The following ASAP1 variants were observed in gnomAD, a reference collection of about 807,000 sequenced individuals.
ASAP1 encodes the protein arf-GAP with SH3 domain, ANK repeat and PH domain-containing protein 1.
Under a neutral mutation model 145.2 loss-of-function variants are expected in ASAP1, and 43 were observed. That is an observed-to-expected ratio of 0.30 (90% CI 0.23 to 0.38). The LOEUF (loss-of-function observed/expected upper bound fraction) is 0.38. ASAP1 is among the 10% of genes least tolerant of loss of function. ASAP1 has a pLI of 1.00. For missense variants in ASAP1, 1,018 were observed against 1,355.3 expected, an observed-to-expected ratio of 0.75 and a Z score of 3.91; for synonymous variants, 546 against 515.5, an observed-to-expected ratio of 1.06 and a Z score of -0.80.
At position 130,077,992 on chromosome 8, in the gene ASAP1, C is replaced by CT. The variant is rs555579534; in HGVS notation, c.2643-1587dup. Among the ~76,000 whole-genome samples the CT allele has an allele frequency of 5.4e-3, 759 of 139,462 alleles. 3 individuals carry two copies. Among genetic ancestry groups the CT allele is most frequent in the African/African-American group, 8.6e-3 (326 of 37,898 alleles). The allele number at this position is 139,462 out of a possible 152,430, so 91.5% of individuals were successfully genotyped here. A position where few individuals can be genotyped will look rare whatever the true frequency, so the allele number is the denominator to read the frequency against. ...CAATCAGCTTGATTTTGTTTAAAAACTTTTTTTTTTTTTTTTTGAGACGAA... is the reference window on the plus strand; with the variant it reads ...CAATCAGCTTGATTTTGTTTAAAAACTTTTTTTTTTTTTTTTTTGAGACGAA... On this transcript the variant is annotated intron_variant, in intron 26 of 29. Transcript: ENST00000518721.
At chr8:130,401,804 T>G (rs1001672628) in intron 2 of ASAP1, 81 bp downstream of exon 2, 4 of 1,328,318 alleles carry the variant, frequency 3.0e-6, no homozygotes, top group Non-Finnish European at 4.2e-6. Flanking sequence ...TGATAAAATT[T>G]TGCATTTCAA....
At chr8:130,099,459 C>T (rs1592796497) in intron 24 of ASAP1, among the ~76,000 whole-genome samples, 1 of 151,836 alleles carries the variant, frequency 6.6e-6, no homozygotes, top group African/African-American at 2.4e-5. Context: ...GGATTACAGG[C>T]ATGAGCCACT....
chr8:130,289,722 C>A (rs1466501557), intron 3 of ASAP1, among the ~76,000 whole-genome samples: 2 of 152,212 alleles, frequency 1.3e-5, no homozygotes, highest in African/African-American at 2.4e-5. Context: ...AAGTATCTTA[C>A]TTGTATCCAC....
chr8:130,359,463 A>G (rs1322055334), intron 2 of ASAP1, among the ~76,000 whole-genome samples: 2 of 152,198 alleles, frequency 1.3e-5, no homozygotes, highest in Non-Finnish European at 2.9e-5. Context: ...AAAAAAAGCT[A>G]GGCCTTTGGG....
intron 3 of ASAP1, among the ~76,000 whole-genome samples, chr8:130,356,079 T>TA (rs201992671): frequency 5.4e-5 from 8 of 148,458 alleles, no homozygotes; most frequent in Non-Finnish European, 1.1e-4. Context: ...GTATTTCTCA[T>TA]AAAAAAAAAT....
chr8:130,214,060 A>T (rs1330190427), intron 5 of ASAP1, among the ~76,000 whole-genome samples: 1 of 152,200 alleles, frequency 6.6e-6, no homozygotes, highest in Non-Finnish European at 1.5e-5. Context: ...GGTTAAAAGG[A>T]TGTGGGGAGT....
chr8:130,217,861 T>C (rs1365181), intron 4 of ASAP1, among the ~76,000 whole-genome samples: 575 of 152,266 alleles, frequency 3.8e-3, no homozygotes, highest in African/African-American at 4.9e-3. Context: ...TGAGTCTGGA[T>C]TGGGAAATAA....
intron 5 of ASAP1, among the ~76,000 whole-genome samples, chr8:130,196,160 G>A (rs1159280283): frequency 6.6e-6 from 1 of 152,140 alleles, no homozygotes; most frequent in African/African-American, 2.4e-5. Flanking sequence ...TAGCCAATGT[G>A]GTGAAACCCC....
In ASAP1 at chr8:130,139,922, T is replaced by TAA. The variant is rs59704449; in HGVS notation, c.1081-2886_1081-2885dup. On this transcript the variant is annotated intron_variant, in intron 13 of 29. Coordinates refer to ENST00000518721, the MANE Select transcript of ASAP1 (RefSeq NM_018482.4). ...TACAACCAAGAGTAGATACAAATCT[T>TAA]AAAAAAAAAAAAACAACAAAAAAAC... Among the ~76,000 whole-genome samples, 28 of 140,042 alleles carry TAA rather than the reference T, an allele frequency of 2.0e-4. No homozygotes were observed. In the East Asian group the frequency reaches 3.2e-3, roughly 16 times the overall value. 91.9% of individuals were successfully genotyped at this position (140,042 alleles called of 152,430 possible). A position where few individuals can be genotyped will look rare whatever the true frequency, so the allele number is the denominator to read the frequency against.
At position 130,076,226 on chromosome 8, in the gene ASAP1, T is replaced by C. The variant is rs542294040; in HGVS notation, c.2701+122A>G. 19 of 611,276 alleles carry C rather than the reference T, an allele frequency of 3.1e-5. No individual in the cohort carries two copies. In the African/African-American group the frequency reaches 3.4e-4, roughly 11 times the overall value. The allele number at this position is 611,276 out of a possible 1,614,324, so 37.9% of individuals were successfully genotyped here. Reference sequence around the variant, plus strand: ...GTGTATTTACTAGGCATCCACTACATGCCAGGTGCTGCTCTAGGCATTTGG... The same window carrying C: ...GTGTATTTACTAGGCATCCACTACACGCCAGGTGCTGCTCTAGGCATTTGG... On this transcript the variant is annotated intron_variant, in intron 27 of 29. Transcript: ENST00000518721.
intron 3 of ASAP1, among the ~76,000 whole-genome samples, chr8:130,327,640 G>GTA (rs1824422061): frequency 6.6e-6 from 1 of 152,186 alleles, no homozygotes; most frequent in South Asian, 2.1e-4. Context: ...AGCTGCTAAA[G>GTA]TAAGGTATAT....
chr8:130,358,169 G>T lies in ASAP1; in HGVS notation c.60-26C>A. Reference sequence around the variant, plus strand: ...CTGCCGGGAGGGACGAGACACAAGCGGGGGCGGGGGGTGAGTCACGGCGCA... The same window carrying T: ...CTGCCGGGAGGGACGAGACACAAGCTGGGGCGGGGGGTGAGTCACGGCGCA... On this transcript the variant is annotated intron_variant, in intron 2 of 29. Coordinates refer to ENST00000518721, the MANE Select transcript of ASAP1 (RefSeq NM_018482.4). The surrounding 1 kb of genome is among the most constrained non-coding windows in gnomAD (Gnocchi z 4.1). 6.3e-7 allele frequency: 1 copy of T among 1,582,578 alleles called. No homozygotes were observed. Among genetic ancestry groups the T allele is most frequent in the Non-Finnish European group, 8.6e-7 (1 of 1,166,184 alleles).
At chr8:130,130,070 G>C (rs1049660484) in intron 15 of ASAP1, among the ~76,000 whole-genome samples, 1 of 152,252 alleles carries the variant, frequency 6.6e-6, no homozygotes, top group East Asian at 1.9e-4. Context: ...AGGCATTCTA[G>C]CATTTGGCTA....
rs978528554 is a variant in ASAP1 at position 130,189,049 on chromosome 8, A to G, written c.406-866T>C. Among the ~76,000 whole-genome samples the G allele has an allele frequency of 3.3e-5, 5 of 152,222 alleles. No homozygotes were observed. In the South Asian group the frequency reaches 1.0e-3, roughly 32 times the overall value. On this transcript the variant is annotated intron_variant, in intron 5 of 29. Transcript: ENST00000518721. ...TTTAATTTTTAGTTTTTATGGATAC[A>G]TAATAGTTGTATTTATGAAGTACAT...
At chr8:130,391,009 C>A (rs911850520) in intron 2 of ASAP1, among the ~76,000 whole-genome samples, 2 of 147,330 alleles carry the variant, frequency 1.4e-5, no homozygotes, top group African/African-American at 5.2e-5. Context: ...TAATTCATAA[C>A]AACCAAAAGG....
In ASAP1 at chr8:130,060,830, G is replaced by A; in HGVS notation, c.2941C>T (p.Pro981Ser). Reference protein sequence around the residue: ...LPPKPQLSDLPPKPQMKDLPP... With the variant: ...LPPKPQLSDLSPKPQMKDLPP... The stretch of plus-strand genomic sequence containing the variant: ...AGGTCCTTCATCTGTGGTTTGGGAG[G>A]TAAGTCTGAGAGTTGGGGTTTGGGT... The change falls in exon 28 of 30, where the codon CCT becomes TCT. Residue 981 changes from proline to serine, a missense_variant. Physicochemically the swap from Pro to Ser is moderately conservative, Grantham distance 74 (BLOSUM62 -1). Around this residue, in one of 9 missense-constraint regions of ASAP1, gnomAD observed 139 missense variants for 131.0 expected, o/e 1.06. Coordinates refer to ENST00000518721, the MANE Select transcript of ASAP1 (RefSeq NM_018482.4). The A allele has an allele frequency of 6.2e-7, 1 of 1,613,604 alleles. No individual in the cohort carries two copies. The highest frequency in any genetic ancestry group is 1.1e-5 in the South Asian group (1 of 91,044).
chr8:130,114,639 G>A (rs557131714), intron 23 of ASAP1, among the ~76,000 whole-genome samples: 3 of 152,068 alleles, frequency 2.0e-5, no homozygotes, highest in South Asian at 2.1e-4. Context: ...TTTCAGCTCC[G>A]TTTTAATCTT....
Position 130,358,004 on chromosome 8 carries a change from C to A in ASAP1, c.186+13G>T. The A allele has an allele frequency of 6.3e-7, 1 of 1,599,176 alleles. No homozygotes were observed. Among genetic ancestry groups the A allele is most frequent in the East Asian group, 2.3e-5 (1 of 44,378 alleles). On this transcript the variant is annotated intron_variant, in intron 3 of 29. Transcript: ENST00000518721. The surrounding 1 kb of genome is among the most constrained non-coding windows in gnomAD (Gnocchi z 4.1). ...CGGCGAGCGTGGACGGCGGGGGTCC[C>A]GGCCCGACCTACCTCCTCCAGCAGC...
intron 27 of ASAP1, among the ~76,000 whole-genome samples, chr8:130,063,938 C>A (rs1413197097): frequency 6.6e-6 from 1 of 151,892 alleles, no homozygotes; most frequent in Non-Finnish European, 1.5e-5. Context: ...GGCAGGTAAG[C>A]AGGGGAAGGG....
Sources: gnomAD v4.1 joint callset for allele counts (sites outside exome capture counted in the v4.1 genomes callset) on GRCh38, gnomAD v4.1.1 for gene constraint, gnomAD v4.1.1 regional missense constraint, Gnocchi (gnomAD v3.1) non-coding constraint, MANE v1.5 for transcripts, NCBI Gene and HGNC (gene_info 2026-07-23, HGNC 2026-07-21) for gene names.